Variants in RPS6KA5 observed in about 807,000 individuals in gnomAD.
The protein encoded by RPS6KA5 is ribosomal protein S6 kinase A5, also known as ribosomal protein S6 kinase alpha-5.
RPS6KA5 carries 27 observed loss-of-function variants against 85.5 expected under a neutral mutation model. The ratio of observed to expected loss-of-function variants is 0.32; its 90% CI spans 0.23 to 0.44. The LOEUF (loss-of-function observed/expected upper bound fraction) is 0.44, where lower values mean the gene tolerates loss of function less well. Among genes scored for constraint, RPS6KA5 ranks in the 20% least tolerant of loss-of-function variants. The pLI is 1.00. For synonymous variants in RPS6KA5, 334 were observed against 348.2 expected, an observed-to-expected ratio of 0.96 and a Z score of 0.46; for missense variants, 811 against 980.9, an observed-to-expected ratio of 0.83 and a Z score of 2.31.
Position 91,060,354 on chromosome 14 carries a change from A to G in RPS6KA5, c.81T>C (p.Thr27=), listed in dbSNP as rs750709594. ...DGGDGGEQLL[T]VKHELRTANL... ...CACCAGTCCGCAGCTCGTGCTTGAC[A>G]GTGAGGAGCTGCTCTCCTCCGTCGC... Residue 27 remains threonine (T), a synonymous_variant, in exon 1 of 17, where the codon ACT becomes ACC. Coordinates refer to ENST00000614987, the MANE Select transcript of RPS6KA5 (RefSeq NM_004755.4). 14 of 1,469,876 alleles carry G rather than the reference A, an allele frequency of 9.5e-6. No homozygotes were observed. Among genetic ancestry groups the G allele is most frequent in the African/African-American group, 2.9e-5 (2 of 69,044 alleles). 91.1% of individuals were successfully genotyped at this position (1,469,876 alleles called of 1,614,324 possible). A position where few individuals can be genotyped will look rare whatever the true frequency, so the allele number is the denominator to read the frequency against.
chr14:90,890,424 A>G, intron 14 of RPS6KA5, 63 bp downstream of exon 14: 4 of 1,349,476 alleles, frequency 3.0e-6, no homozygotes, highest in Non-Finnish European at 4.0e-6. Flanking sequence ...GTGAAGAGTG[A>G]GATAAGGAGA....
At chr14:90,974,629 T>C (rs2039478943) in intron 3 of RPS6KA5, among the ~76,000 whole-genome samples, 1 of 152,180 alleles carries the variant, frequency 6.6e-6, no homozygotes, top group South Asian at 2.1e-4. Context: ...TACCATGCTA[T>C]GAAAAAGCTG....
intron 5 of RPS6KA5, among the ~76,000 whole-genome samples, chr14:90,942,850 T>G (rs754899803): frequency 6.7e-6 from 1 of 148,958 alleles, no homozygotes; most frequent in South Asian, 2.1e-4. Flanking sequence ...GTCTTTTTTC[T>G]TTTTTAAATA....
At chr14:91,039,368 T>G (rs2042519223) in intron 1 of RPS6KA5, among the ~76,000 whole-genome samples, 1 of 152,020 alleles carries the variant, frequency 6.6e-6, no homozygotes, top group Non-Finnish European at 1.5e-5. Context: ...CAATCAGAAG[T>G]GAGGAGGAAT....
At chr14:90,948,394 G>C (rs545077552) in intron 3 of RPS6KA5, among the ~76,000 whole-genome samples, 20 of 152,246 alleles carry the variant, frequency 1.3e-4, no homozygotes, top group African/African-American at 4.8e-4. Context: ...GCTTTAAATT[G>C]TAGTTACATC....
At chr14:90,982,749 C>T (rs556015992) in intron 2 of RPS6KA5, among the ~76,000 whole-genome samples, 1 of 152,166 alleles carries the variant, frequency 6.6e-6, no homozygotes, top group East Asian at 1.9e-4. Context: ...GAGGCCGGAG[C>T]GGGCGGATCA....
intron 15 of RPS6KA5, 85 bp from the exon 16 acceptor site, chr14:90,873,880 T>C: frequency 8.6e-7 from 1 of 1,160,020 alleles, no homozygotes; most frequent in East Asian, 2.3e-5. Context: ...TCAGCTATGT[T>C]CACATGACAT....
chr14:91,015,781 T>C (rs552730565), intron 1 of RPS6KA5, among the ~76,000 whole-genome samples: 1 of 152,374 alleles, frequency 6.6e-6, no homozygotes, highest in South Asian at 2.1e-4. Flanking sequence ...TAAACTTTCA[T>C]AGGACTACAG....
At chr14:91,004,148 C>T (rs1375185880) in intron 1 of RPS6KA5, among the ~76,000 whole-genome samples, 4 of 152,130 alleles carry the variant, frequency 2.6e-5, no homozygotes, top group Non-Finnish European at 5.9e-5. Flanking sequence ...TGCAGTGGCG[C>T]GATCTCAGCT....
At chr14:91,013,817 T>C (rs1798373283) in intron 1 of RPS6KA5, among the ~76,000 whole-genome samples, 1 of 151,998 alleles carries the variant, frequency 6.6e-6, no homozygotes, top group Non-Finnish European at 1.5e-5. Context: ...AATGTACAGG[T>C]TGAAACAACA....
intron 7 of RPS6KA5, among the ~76,000 whole-genome samples, chr14:90,918,574 C>T (rs948730633): frequency 6.6e-6 from 1 of 152,190 alleles, no homozygotes; most frequent in Non-Finnish European, 1.5e-5. Context: ...TGTGTCATAT[C>T]TAAGAAATCT....
chr14:90,869,395 G>A lies in RPS6KA5; in HGVS notation c.*2679C>T, dbSNP rs896843325. ...CTGGCAGAGTAATTAGAAGAAACTG[G>A]TCTTTCTTAACATCTTTCCTCTATT... is the stretch of plus-strand genomic sequence containing the variant. On this transcript the variant is annotated 3_prime_UTR_variant, in exon 17 of 17. Transcript: ENST00000614987. 2.2e-4 allele frequency: 34 copies of A among 152,090 alleles called. No homozygotes were observed. The highest frequency in any genetic ancestry group is 7.2e-4 in the African/African-American group (30 of 41,422). The allele number at this position is 152,090 out of a possible 1,614,324, so 9.4% of individuals were successfully genotyped here.
chr14:90,938,669 G>T lies in RPS6KA5; in HGVS notation c.618+4409C>A, dbSNP rs138053012. ...TCACTACCACATGGAAGCTGCCAAG[G>T]CTTGAGGCTTCCATCCTCTGAAGCA... On this transcript the variant is annotated intron_variant, in intron 5 of 16. Transcript: ENST00000614987. Among the ~76,000 whole-genome samples, 222 of 152,308 alleles carry T rather than the reference G, an allele frequency of 1.5e-3. 3 individuals are homozygous for T. Among genetic ancestry groups the T allele is most frequent in the African/African-American group, 5.1e-3 (213 of 41,572 alleles).
intron 3 of RPS6KA5, among the ~76,000 whole-genome samples, chr14:90,971,647 A>G (rs2039327853): frequency 6.6e-6 from 1 of 152,224 alleles, no homozygotes; most frequent in South Asian, 2.1e-4. Flanking sequence ...TCATTTGGAG[A>G]AGCCTGTGCA....
intron 1 of RPS6KA5, among the ~76,000 whole-genome samples, chr14:91,059,360 C>T (rs1454010178): frequency 6.6e-6 from 1 of 150,796 alleles, no homozygotes; most frequent in Non-Finnish European, 1.5e-5. Context: ...AAAAAAAATC[C>T]CAATATGCCA....
At chr14:91,054,871 T>C (rs1396703593) in intron 1 of RPS6KA5, among the ~76,000 whole-genome samples, 1 of 152,094 alleles carries the variant, frequency 6.6e-6, no homozygotes, top group Non-Finnish European at 1.5e-5. Context: ...ACAGCTCATT[T>C]ATGGAGGAAA....
In RPS6KA5 at chr14:90,882,672, GT is replaced by G. The variant is rs755673202; in HGVS notation, c.1837-7313del. ...CCAGAGATAGGATTCTTGGTTGACA[GT>G]TTTTTTTTTCCCTTTTAGTGCTTTG... On this transcript the variant is annotated intron_variant, in intron 14 of 16. Coordinates refer to ENST00000614987, the MANE Select transcript of RPS6KA5 (RefSeq NM_004755.4). 1.3e-3 allele frequency among the ~76,000 whole-genome samples: 201 copies of G among 149,620 alleles called. 2 individuals carry two copies. Among genetic ancestry groups the G allele is most frequent in the Non-Finnish European group, 2.2e-3 (150 of 67,192 alleles).
In RPS6KA5 at chr14:90,917,085, C is replaced by T. The variant is rs71428740; in HGVS notation, c.806+3121G>A. On this transcript the variant is annotated intron_variant, in intron 7 of 16. Coordinates refer to ENST00000614987, the MANE Select transcript of RPS6KA5 (RefSeq NM_004755.4). ...TAAGGCGACCCTTAGTACCTGTCAC[C>T]ATGACAGGTATGATCTTACAACTGG... 4.6e-3 allele frequency among the ~76,000 whole-genome samples: 700 copies of T among 152,274 alleles called. 3 individuals are homozygous for T. Among genetic ancestry groups the T allele is most frequent in the Non-Finnish European group, 8.6e-3 (586 of 68,014 alleles).
At chr14:90,976,542 G>C (rs76463202) in intron 3 of RPS6KA5, among the ~76,000 whole-genome samples, 3,288 of 152,200 alleles carry the variant, frequency 0.022, 45 homozygotes, top group Non-Finnish European at 0.031. Flanking sequence ...TGAGGGAAGG[G>C]TCCTGCACTA....
Sources: gnomAD v4.1 joint callset for allele counts (sites outside exome capture counted in the v4.1 genomes callset) on GRCh38, gnomAD v4.1.1 for gene constraint, MANE v1.5 for transcripts, NCBI Gene and HGNC (gene_info 2026-07-23, HGNC 2026-07-21) for gene names.